NBPF9: variants seen among roughly 807,000 people sequenced by gnomAD.
The protein encoded by NBPF9 is NBPF family member NBPF9.
In NBPF9, 91 loss-of-function variants were observed where a neutral mutation model predicts 97.8. That is an observed-to-expected ratio of 0.93 (90% CI 0.79 to 1.11). The LOEUF is 1.11. Ranked by LOEUF, NBPF9 falls within the 50% of genes least tolerant of loss-of-function variation. NBPF9 has a pLI of 0.00. For synonymous variants in NBPF9, 334 were observed against 359.5 expected, an observed-to-expected ratio of 0.93 and a Z score of 0.80; for missense variants, 992 against 939.5, an observed-to-expected ratio of 1.06 and a Z score of -0.73.
intron 18 of NBPF9, 31 bp downstream of exon 18, chr1:149,065,495 A>T: frequency 6.2e-7 from 1 of 1,601,202 alleles, no homozygotes; most frequent in South Asian, 1.1e-5. Flanking sequence ...CATGAACTGG[A>T]GCTTTATCAC....
chr1:149,079,331 A>C (rs2080199050), intron 8 of NBPF9, 110 bp from the exon 9 acceptor site: 1 of 1,181,794 alleles, frequency 8.5e-7, no homozygotes, highest in Admixed American at 1.7e-5. Flanking sequence ...CTTGAAACAG[A>C]AGGTCAGCAC....
chr1:149,078,719 C>A (rs1368176006), intron 9 of NBPF9, among the ~76,000 whole-genome samples: 4 of 137,660 alleles, frequency 2.9e-5, no homozygotes. Context: ...CTCCAACAAG[C>A]GCCCTCCCAT....
At chr1:149,060,850 C>A (rs1244335286) in intron 23 of NBPF9, 155 bp from the exon 24 acceptor site, 2 of 397,624 alleles carry the variant, frequency 5.0e-6, no homozygotes, top group Admixed American at 8.0e-5. Flanking sequence ...TGTTGGGACA[C>A]AACGGGGCCA....
intron 5 of NBPF9, among the ~76,000 whole-genome samples, chr1:149,087,039 A>G (rs1195906584): frequency 6.6e-6 from 1 of 151,814 alleles, no homozygotes; most frequent in African/African-American, 2.4e-5. Flanking sequence ...AACAGGTGCT[A>G]TTTTCAGCCT....
intron 3 of NBPF9, 135 bp downstream of exon 3, chr1:149,101,127 C>G (rs2082118993): frequency 6.6e-6 from 1 of 151,550 alleles, no homozygotes; most frequent in African/African-American, 2.4e-5. Context: ...TGGCTCATGC[C>G]TGTAATCCCA....
intron 14 of NBPF9, among the ~76,000 whole-genome samples, chr1:149,071,927 G>A (rs1363833396): frequency 6.6e-6 from 1 of 151,600 alleles, no homozygotes; most frequent in Non-Finnish European, 1.5e-5. Flanking sequence ...CATATCACTG[G>A]AGGCTTGTGC....
At chr1:149,084,346 T>C (rs1168198302) in intron 5 of NBPF9, among the ~76,000 whole-genome samples, 1 of 147,480 alleles carries the variant, frequency 6.8e-6, no homozygotes, top group Non-Finnish European at 1.5e-5. Flanking sequence ...ATATATAATA[T>C]ATATACGTGT....
At chr1:149,097,673 C>T (rs1234542127) in intron 4 of NBPF9, among the ~76,000 whole-genome samples, 1 of 152,122 alleles carries the variant, frequency 6.6e-6, no homozygotes, top group Non-Finnish European at 1.5e-5. Context: ...CTTTCTCCCC[C>T]TCTCAATGCC....
At chr1:149,095,285 T>C (rs1323996081) in intron 4 of NBPF9, among the ~76,000 whole-genome samples, 1 of 150,426 alleles carries the variant, frequency 6.6e-6, no homozygotes, top group African/African-American at 2.5e-5. Context: ...AATAAATAAA[T>C]CCAGGTATGC....
intron 8 of NBPF9, among the ~76,000 whole-genome samples, chr1:149,079,541 T>G (rs2080223498): frequency 6.7e-6 from 1 of 149,664 alleles, no homozygotes; most frequent in Admixed American, 6.8e-5. Flanking sequence ...GACATTTCCA[T>G]GTGAAAATAC....
In NBPF9 at chr1:149,058,165, T is replaced by A; in HGVS notation, c.2809A>T (p.Arg937Trp). 7.0e-6 allele frequency: 4 copies of A among 575,126 alleles called. 2 individuals carry two copies. The highest frequency in any genetic ancestry group is 6.5e-5 in the South Asian group (4 of 61,126). The allele number at this position is 575,126 out of a possible 1,614,324, so 35.6% of individuals were successfully genotyped here. The stretch of plus-strand genomic sequence containing the variant: ...AGATGTTCACAATTGCTCAGTTACC[T>A]GGGGCATGGTGGGCCTTGGTCTTCT... Residue 937 changes from arginine (R) to tryptophan (W), a missense_variant and splice_region_variant, in exon 27 of 30, where the codon AGG (arginine) becomes TGG (tryptophan). Coordinates refer to ENST00000584027, the Ensembl canonical transcript of NBPF9.
chr1:149,062,683 A>G (rs2078705143), intron 21 of NBPF9, among the ~76,000 whole-genome samples, 179 bp downstream of exon 21: 1 of 151,220 alleles, frequency 6.6e-6, no homozygotes, highest in African/African-American at 2.4e-5. Context: ...TTAGTAAATG[A>G]TAAGGGGAGG....
At chr1:149,101,552 A>G (rs2082145166) in intron 2 of NBPF9, among the ~76,000 whole-genome samples, 173 bp from the exon 3 acceptor site, 2 of 152,398 alleles carry the variant, frequency 1.3e-5, no homozygotes, top group African/African-American at 4.8e-5. Flanking sequence ...AAACAAGCAT[A>G]TCAATGAAAA....
At chr1:149,087,123 A>G (rs1453255655) in intron 5 of NBPF9, among the ~76,000 whole-genome samples, 2 of 151,752 alleles carry the variant, frequency 1.3e-5, no homozygotes, top group African/African-American at 4.8e-5. Flanking sequence ...CTGATGACTA[A>G]ACAGTGGAGC....
rs1356217772 is a variant in NBPF9, at chr1:149,072,873, A to G, written c.1151T>C (p.Leu384Ser). Residue 384 changes from leucine (L) to serine (S), a missense_variant, in exon 14 of 30, where the codon TTG becomes TCG. By Grantham distance (145) the Leu-to-Ser change is moderately radical (BLOSUM62 -2). Coordinates refer to ENST00000584027, the Ensembl canonical transcript of NBPF9. ...GCGGGAGGCATCTCTCCCTTCCCGC[A>G]ACTTCTCCCTTAACTGGGTCAGCTC... 1.9e-6 allele frequency: 3 copies of G among 1,605,938 alleles called. No individual in the cohort carries two copies. The African/African-American group carries it at 4.0e-5, about 21-fold the overall frequency.
chr1:149,084,427 A>ATT (rs2080817966), intron 5 of NBPF9, among the ~76,000 whole-genome samples: 2 of 145,774 alleles, frequency 1.4e-5, no homozygotes, highest in South Asian at 4.2e-4. Flanking sequence ...GTGTATATAT[A>ATT]TTATATATAT....
chr1:149,100,923 G>A (rs587619836), intron 3 of NBPF9, among the ~76,000 whole-genome samples: 3 of 151,344 alleles, frequency 2.0e-5, no homozygotes, highest in South Asian at 2.1e-4. Context: ...AATAGAGTGA[G>A]GCCCTGTCTG....
At chr1:149,064,553 C>T in intron 18 of NBPF9, 71 bp from the exon 19 acceptor site, 1 of 1,003,246 alleles carries the variant, frequency 1.0e-6, no homozygotes, top group East Asian at 2.8e-5. Flanking sequence ...ATTCCTCTGT[C>T]CAATCCTAAC....
chr1:149,056,187 A>G (rs1553648941), intron 29 of NBPF9, among the ~76,000 whole-genome samples: 1 of 150,972 alleles, frequency 6.6e-6, no homozygotes, highest in African/African-American at 2.4e-5. Flanking sequence ...GGACACTCTG[A>G]GTTAGTGCCC....
Sources: allele counts gnomAD v4.1 joint callset (sites outside exome capture counted in the v4.1 genomes callset), GRCh38; gene constraint gnomAD v4.1.1; transcripts MANE v1.5; gene names NCBI Gene and HGNC (gene_info 2026-07-23, HGNC 2026-07-21).